CTDSP2: variants seen among roughly 807,000 people sequenced by gnomAD.
CTDSP2 encodes carboxy-terminal domain RNA polymerase II polypeptide A small phosphatase 2.
In CTDSP2, 9 loss-of-function variants were observed where a neutral mutation model predicts 31.6. The ratio of observed to expected loss-of-function variants is 0.28; its 90% CI spans 0.17 to 0.50. CTDSP2 has a LOEUF of 0.50. Ranked by LOEUF, CTDSP2 falls within the 20% of genes least tolerant of loss-of-function variation. The pLI is 0.98. For missense variants in CTDSP2, 267 were observed against 348.5 expected (o/e 0.77, Z 1.86); for synonymous variants, 134 against 134.5 (o/e 1.00, Z 0.03).
chr12:57,828,524 A>G (rs1433136777), intron 2 of CTDSP2, among the ~76,000 whole-genome samples: 2 of 152,224 alleles, frequency 1.3e-5, no homozygotes, highest in Non-Finnish European at 2.9e-5. Flanking sequence ...CATTCAGTGT[A>G]CTGCCTTCAA....
chr12:57,844,672 T>C (rs914787794), intron 1 of CTDSP2, among the ~76,000 whole-genome samples: 1 of 152,098 alleles, frequency 6.6e-6, no homozygotes, highest in African/African-American at 2.4e-5. Flanking sequence ...TCCCTTCCTT[T>C]TTCAGCCATC....
chr12:57,831,598 G>C (rs548122432), intron 1 of CTDSP2, among the ~76,000 whole-genome samples: 1 of 152,232 alleles, frequency 6.6e-6, no homozygotes, highest in Non-Finnish European at 1.5e-5. Context: ...CTTGGTCCCA[G>C]TTCTCTTCTC....
chr12:57,827,163 T>C (rs1163299488), intron 3 of CTDSP2, 66 bp from the exon 4 acceptor site: 6 of 1,167,460 alleles, frequency 5.1e-6, no homozygotes, highest in African/African-American at 1.5e-5. Context: ...CTTGGCATAA[T>C]TATGGGAAGA....
At position 57,846,516 on chromosome 12, in the gene CTDSP2, G is replaced by A; in HGVS notation, c.-81C>T. On this transcript the variant is annotated 5_prime_UTR_variant, in exon 1 of 8. Transcript: ENST00000398073. The stretch of plus-strand genomic sequence containing the variant: ...CTGGGCTGGGCTGGGGGGCCTGGGC[G>A]GGGGCCCGCTCCGGCTCCCGAGACT... The A allele has an allele frequency of 8.4e-7, 1 of 1,185,216 alleles. No individual in the cohort carries two copies. The highest frequency in any genetic ancestry group is 1.1e-6 in the Non-Finnish European group (1 of 884,974). 73.4% of individuals were successfully genotyped at this position (1,185,216 alleles called of 1,614,324 possible).
rs1565842073 is a variant in CTDSP2, at chr12:57,820,779, T to C, written c.*2823A>G. 1 of 152,286 alleles carries C rather than the reference T, an allele frequency of 6.6e-6. No homozygotes were observed. The highest frequency in any genetic ancestry group is 1.5e-5 in the Non-Finnish European group (1 of 68,056). 9.4% of individuals were successfully genotyped at this position (152,286 alleles called of 1,614,324 possible). A position where few individuals can be genotyped will look rare whatever the true frequency, so the allele number is the denominator to read the frequency against. ...AGAGTGGAAACCCTTACCTGACCCT[T>C]TTCCAAACTGGTCCTGTGTCCAAAG... On this transcript the variant is annotated 3_prime_UTR_variant, in exon 8 of 8. Transcript: ENST00000398073.
chr12:57,839,874 G>A (rs1956272200), intron 1 of CTDSP2, among the ~76,000 whole-genome samples: 1 of 152,028 alleles, frequency 6.6e-6, no homozygotes, highest in African/African-American at 2.4e-5. Flanking sequence ...GTTGTCAGGA[G>A]AACTAAGTGA....
At chr12:57,827,685 C>G in intron 2 of CTDSP2, 95 bp from the exon 3 acceptor site, 3 of 1,257,702 alleles carry the variant, frequency 2.4e-6, no homozygotes, top group Non-Finnish European at 3.4e-6. Context: ...GGGCAACTTT[C>G]TCCCCCAGAC....
At chr12:57,837,588 G>T (rs1467872845) in intron 1 of CTDSP2, among the ~76,000 whole-genome samples, 1 of 152,052 alleles carries the variant, frequency 6.6e-6, no homozygotes, top group Non-Finnish European at 1.5e-5. Context: ...CTACTCCGGA[G>T]GCTGAGGCAC....
intron 5 of CTDSP2, among the ~76,000 whole-genome samples, chr12:57,826,007 TAATA>T (rs1956180458): frequency 1.3e-5 from 2 of 152,300 alleles, no homozygotes; most frequent in South Asian, 4.1e-4. Context: ...CAGAGAAATG[TAATA>T]AATCATTTAA....
chr12:57,819,959 T>A lies in CTDSP2; in HGVS notation c.*3643A>T, dbSNP rs1313548330. 1 of 152,668 alleles carries A rather than the reference T, an allele frequency of 6.6e-6. No homozygotes were observed. Among genetic ancestry groups the A allele is most frequent in the Non-Finnish European group, 1.5e-5 (1 of 68,042 alleles). The allele number at this position is 152,668 out of a possible 1,614,324, so 9.5% of individuals were successfully genotyped here. A position where few individuals can be genotyped will look rare whatever the true frequency, so the allele number is the denominator to read the frequency against. On this transcript the variant is annotated 3_prime_UTR_variant, in exon 8 of 8. Transcript: ENST00000398073. ...AAAGGTTTTTTAAACCCACTTTTAT[T>A]AATTAATTGTAAGTAATACAAATAT... is the stretch of plus-strand genomic sequence containing the variant.
At chr12:57,826,693 T>C (rs1211415957) in intron 4 of CTDSP2, among the ~76,000 whole-genome samples, 6 of 152,232 alleles carry the variant, frequency 3.9e-5, no homozygotes, top group East Asian at 1.9e-4. Context: ...ACCACTCTTT[T>C]AGGCCTGCCC....
Position 57,843,281 on chromosome 12 carries a change from T to C in CTDSP2, c.64+3091A>G, listed in dbSNP as rs576289789. Among the ~76,000 whole-genome samples the C allele has an allele frequency of 1.2e-4, 19 of 152,330 alleles. No homozygotes were observed. The South Asian group carries it at 3.7e-3, about 30-fold the overall frequency. On this transcript the variant is annotated intron_variant, in intron 1 of 7. Coordinates refer to ENST00000398073, the MANE Select transcript of CTDSP2 (RefSeq NM_005730.4). Reference sequence around the variant, plus strand: ...TTAGCAATGGGGTGACAATCTCATATAGAGCTGCAATCAACAGCCATTCTT... The same window carrying C: ...TTAGCAATGGGGTGACAATCTCATACAGAGCTGCAATCAACAGCCATTCTT...
intron 1 of CTDSP2, among the ~76,000 whole-genome samples, chr12:57,836,382 G>A (rs1365799678): frequency 1.3e-5 from 2 of 152,178 alleles, no homozygotes; most frequent in African/African-American, 2.4e-5. Context: ...TGCATGGGCC[G>A]GGGTAGGTGG....
At chr12:57,832,886 C>T (rs528940945) in intron 1 of CTDSP2, among the ~76,000 whole-genome samples, 1 of 149,642 alleles carries the variant, frequency 6.7e-6, no homozygotes. Flanking sequence ...TATTTCTATG[C>T]TGAAATTGGA....
rs1464223574 is a variant in CTDSP2 at position 57,822,418 on chromosome 12, C to T, written c.*1184G>A. 6.6e-6 allele frequency: 1 copy of T among 152,500 alleles called. No homozygotes were observed. The highest frequency in any genetic ancestry group is 1.5e-5 in the Non-Finnish European group (1 of 68,296). 9.4% of individuals were successfully genotyped at this position (152,500 alleles called of 1,614,324 possible). On this transcript the variant is annotated 3_prime_UTR_variant, in exon 8 of 8. Transcript: ENST00000398073. ...GGCAAGAACACTCATTCCCCCTCAGCCCAGGAAGAGCAAGAGTTCTGAGGC... is the reference window on the plus strand; with the variant it reads ...GGCAAGAACACTCATTCCCCCTCAGTCCAGGAAGAGCAAGAGTTCTGAGGC...
At chr12:57,831,211 T>C (rs1027969288) in intron 1 of CTDSP2, among the ~76,000 whole-genome samples, 5 of 151,862 alleles carry the variant, frequency 3.3e-5, no homozygotes, top group African/African-American at 1.2e-4. Flanking sequence ...ATCCCAGCAC[T>C]TTGGGAGGCC....
intron 1 of CTDSP2, chr12:57,842,590 G>A (rs560309401): frequency 1.1e-3 from 162 of 152,314 alleles, no homozygotes; most frequent in African/African-American, 3.6e-3. Context: ...TTGGGGACAG[G>A]AGCAAACACA....
intron 1 of CTDSP2, among the ~76,000 whole-genome samples, chr12:57,846,168 C>A (rs1224956505): frequency 2.6e-5 from 4 of 152,210 alleles, no homozygotes; most frequent in Non-Finnish European, 5.9e-5. Flanking sequence ...GACGCCCTTT[C>A]CGCTCGGGCG....
At position 57,821,547 on chromosome 12, in the gene CTDSP2, G is replaced by C. The variant is rs946903262; in HGVS notation, c.*2055C>G. Reference sequence around the variant, plus strand: ...CTGGGCCTAGACGGCAAAAGATTTGGCCAAGGGCTAACCCTTAGGGTGGGG... The same window carrying C: ...CTGGGCCTAGACGGCAAAAGATTTGCCCAAGGGCTAACCCTTAGGGTGGGG... On this transcript the variant is annotated 3_prime_UTR_variant, in exon 8 of 8. Transcript: ENST00000398073. 3 of 152,644 alleles carry C rather than the reference G, an allele frequency of 2.0e-5. No individual in the cohort carries two copies. Among genetic ancestry groups the C allele is most frequent in the African/African-American group, 7.2e-5 (3 of 41,454 alleles). 9.5% of individuals were successfully genotyped at this position (152,644 alleles called of 1,614,324 possible).
Sources: gnomAD v4.1 joint callset for allele counts (sites outside exome capture counted in the v4.1 genomes callset) on GRCh38, gnomAD v4.1.1 for gene constraint, MANE v1.5 for transcripts, NCBI Gene and HGNC (gene_info 2026-07-23, HGNC 2026-07-21) for gene names.